The following SLCO4C1 variants were observed in gnomAD, a reference collection of about 807,000 sequenced individuals.
The protein encoded by SLCO4C1 is organic anion transporter M1.
A neutral mutation model predicts 72.1 loss-of-function variants in SLCO4C1; 58 were observed. That is an observed-to-expected ratio of 0.80 (90% CI 0.65 to 1.00). The LOEUF (loss-of-function observed/expected upper bound fraction) is 1.00. Ranked by LOEUF, SLCO4C1 falls within the 50% of genes least tolerant of loss-of-function variation. SLCO4C1 has a pLI of 0.00. For synonymous variants in SLCO4C1, 297 were observed against 312.5 expected (o/e 0.95, Z 0.52); for missense variants, 898 against 857.9 (o/e 1.05, Z -0.58).
At chr5:102,276,565 G>T (rs975967548) in intron 2 of SLCO4C1, among the ~76,000 whole-genome samples, 2 of 152,036 alleles carry the variant, frequency 1.3e-5, no homozygotes, top group Non-Finnish European at 2.9e-5. Context: ...GTATTTTACC[G>T]TCTTTTACAA....
chr5:102,264,922 C>T (rs1749008765), intron 3 of SLCO4C1, among the ~76,000 whole-genome samples: 1 of 151,890 alleles, frequency 6.6e-6, no homozygotes, highest in Non-Finnish European at 1.5e-5. Context: ...AACAGGATGT[C>T]CTCTAGGCTC....
At chr5:102,277,886 C>G (rs1427718384) in intron 2 of SLCO4C1, among the ~76,000 whole-genome samples, 1 of 151,756 alleles carries the variant, frequency 6.6e-6, no homozygotes, top group Non-Finnish European at 1.5e-5. Flanking sequence ...ACAGATAAAT[C>G]AAAATGGAAT....
rs1749549859 is a variant in SLCO4C1, at chr5:102,291,474, G to T, written c.488C>A (p.Ser163Ter). 1 of 1,614,112 alleles carries T rather than the reference G, an allele frequency of 6.2e-7. No individual in the cohort carries two copies. The highest frequency in any genetic ancestry group is 1.1e-5 in the South Asian group (1 of 91,080). Residue 163 changes from serine (S) to a stop codon, truncating the protein, a stop_gained, in exon 2 of 13, where the codon TCA becomes TAA. Transcript: ENST00000310954. LOFTEE classifies it high-confidence loss of function. Reference sequence around the variant, plus strand: ...CTTATGTCCTCTTTCACCAAAGAATGATACAAATAAAGACAACAAACAGAA... The same window carrying T: ...CTTATGTCCTCTTTCACCAAAGAATTATACAAATAAAGACAACAAACAGAA... ...ISFCLLSLFVSFFGERGHKPR... is the reference protein window; with the variant it reads ...ISFCLLSLFV
intron 3 of SLCO4C1, among the ~76,000 whole-genome samples, chr5:102,265,738 T>C (rs1319107345): frequency 1.3e-5 from 2 of 152,202 alleles, no homozygotes; most frequent in East Asian, 1.9e-4. Context: ...TGAAATCAGA[T>C]AGTGTGATGC....
At chr5:102,243,838 A>G (rs567580662) in intron 10 of SLCO4C1, among the ~76,000 whole-genome samples, 85 of 152,194 alleles carry the variant, frequency 5.6e-4, no homozygotes, top group Non-Finnish European at 9.7e-4. Flanking sequence ...AATAAATTCA[A>G]AAAACACAGA....
intron 4 of SLCO4C1, among the ~76,000 whole-genome samples, chr5:102,263,339 C>T (rs1261082308): frequency 6.6e-6 from 1 of 152,092 alleles, no homozygotes. Flanking sequence ...TTCAGACTAT[C>T]TAGTCCCAAC....
chr5:102,249,694 A>G lies in SLCO4C1; in HGVS notation c.1564T>C (p.Tyr522His). 1 of 1,613,962 alleles carries G rather than the reference A, an allele frequency of 6.2e-7. No homozygotes were observed. The highest frequency in any genetic ancestry group is 2.2e-5 in the East Asian group (1 of 44,824). ...YYPVCGDGVQ[Y>H]FSPCFAGCSN... is the part of the protein sequence containing the mutation. Reference sequence around the variant, plus strand: ...CAGCCTGCAAAGCAGGGAGAAAAATATTGGACTCCATCTCCACAGACAGGA... The same window carrying G: ...CAGCCTGCAAAGCAGGGAGAAAAATGTTGGACTCCATCTCCACAGACAGGA... Residue 522 changes from tyrosine to histidine, a missense_variant, in exon 9 of 13, where the codon TAT becomes CAT. By Grantham distance (83) the Tyr-to-His change is moderately conservative. Coordinates refer to ENST00000310954, the MANE Select transcript of SLCO4C1 (RefSeq NM_180991.5).
chr5:102,279,819 G>A (rs146595197), intron 2 of SLCO4C1, among the ~76,000 whole-genome samples: 189 of 151,914 alleles, frequency 1.2e-3, no homozygotes, highest in African/African-American at 2.8e-3. Flanking sequence ...GAAAAAAATC[G>A]CATGATCATG....
chr5:102,281,239 G>A (rs932754466), intron 2 of SLCO4C1, among the ~76,000 whole-genome samples: 1 of 152,032 alleles, frequency 6.6e-6, no homozygotes, highest in Non-Finnish European at 1.5e-5. Context: ...AGAGCAAATG[G>A]ACACTTATAA....
intron 3 of SLCO4C1, among the ~76,000 whole-genome samples, chr5:102,264,351 T>C (rs1194549607): frequency 6.6e-6 from 1 of 152,150 alleles, no homozygotes; most frequent in African/African-American, 2.4e-5. Flanking sequence ...AATGTTGCCA[T>C]ATATAACTCT....
chr5:102,240,883 G>A, intron 10 of SLCO4C1, 101 bp from the exon 11 acceptor site: 2 of 736,750 alleles, frequency 2.7e-6, no homozygotes, highest in South Asian at 4.6e-5. Context: ...CTATATTAAA[G>A]TAAATGTTGT....
At chr5:102,246,388 T>C (rs1748637333) in intron 10 of SLCO4C1, among the ~76,000 whole-genome samples, 1 of 152,010 alleles carries the variant, frequency 6.6e-6, no homozygotes, top group Non-Finnish European at 1.5e-5. Context: ...TGCCAATAAT[T>C]GGAAAATCAA....
intron 10 of SLCO4C1, among the ~76,000 whole-genome samples, chr5:102,246,437 A>G (rs1419712272): frequency 6.6e-6 from 1 of 152,140 alleles, no homozygotes; most frequent in Non-Finnish European, 1.5e-5. Flanking sequence ...ACAACCTACC[A>G]AGATGGAATC....
chr5:102,262,897 C>A (rs796928100), intron 4 of SLCO4C1, among the ~76,000 whole-genome samples: 5 of 152,150 alleles, frequency 3.3e-5, no homozygotes, highest in African/African-American at 9.6e-5. Context: ...AAATCACATA[C>A]CTATGACCAC....
At chr5:102,259,241 A>G (rs991418922) in intron 6 of SLCO4C1, among the ~76,000 whole-genome samples, 1 of 152,142 alleles carries the variant, frequency 6.6e-6, no homozygotes, top group Non-Finnish European at 1.5e-5. Flanking sequence ...TGTTGAATTC[A>G]TAGAGATTGA....
intron 2 of SLCO4C1, among the ~76,000 whole-genome samples, chr5:102,290,884 T>C (rs1749537510): frequency 1.3e-5 from 2 of 152,220 alleles, no homozygotes; most frequent in African/African-American, 2.4e-5. Flanking sequence ...ATGTTTCTTA[T>C]CTAGGTCCAA....
chr5:102,270,640 C>G lies in SLCO4C1; in HGVS notation c.786G>C (p.Lys262Asn). The change falls in exon 3 of 13, where the codon AAG becomes AAC. Residue 262 changes from lysine to asparagine, a missense_variant. By Grantham distance (94) the Lys-to-Asn change is moderately conservative (BLOSUM62 0). Coordinates refer to ENST00000310954, the MANE Select transcript of SLCO4C1 (RefSeq NM_180991.5). ...AFLDDSVPTH[K>N]SSLYIGTGYA... ...TAAACTTACCTATATAGAGAGAAGACTTGTGTGTGGGCACAGAATCATCAA... is the reference window on the plus strand; with the variant it reads ...TAAACTTACCTATATAGAGAGAAGAGTTGTGTGTGGGCACAGAATCATCAA... 1 of 1,611,036 alleles carries G rather than the reference C, an allele frequency of 6.2e-7. No homozygotes were observed. Among genetic ancestry groups the G allele is most frequent in the Non-Finnish European group, 8.5e-7 (1 of 1,178,636 alleles).
chr5:102,244,512 A>G (rs1037138572), intron 10 of SLCO4C1, among the ~76,000 whole-genome samples: 4 of 152,196 alleles, frequency 2.6e-5, no homozygotes, highest in African/African-American at 9.6e-5. Context: ...AAACCTAGAG[A>G]AAGATATCAA....
Position 102,247,248 on chromosome 5 carries a change from A to C in SLCO4C1, c.1811+4T>G. 6.7e-7 allele frequency: 1 copy of C among 1,493,742 alleles called. No homozygotes were observed. Among genetic ancestry groups the C allele is most frequent in the Non-Finnish European group, 9.0e-7 (1 of 1,111,570 alleles). The allele number at this position is 1,493,742 out of a possible 1,614,324, so 92.5% of individuals were successfully genotyped here. A position where few individuals can be genotyped will look rare whatever the true frequency, so the allele number is the denominator to read the frequency against. On this transcript the variant is annotated splice_donor_region_variant and intron_variant, in intron 10 of 12. Transcript: ENST00000310954. ...GAATGAAAATTTCTCAACGTGCTAC[A>C]TACCTTAGGATAGACACAGTTATAG...
Sources: allele counts gnomAD v4.1 joint callset (sites outside exome capture counted in the v4.1 genomes callset), GRCh38; gene constraint gnomAD v4.1.1; transcripts MANE v1.5; gene names NCBI Gene and HGNC (gene_info 2026-07-23, HGNC 2026-07-21).